OPCML: variants seen among roughly 807,000 people sequenced by gnomAD.
The protein encoded by OPCML is opioid binding protein/cell adhesion molecule like, also known as opioid-binding protein/cell adhesion molecule.
In OPCML, 13 loss-of-function variants were observed where a neutral mutation model predicts 37.8. The observed-to-expected ratio is 0.34, with a 90% CI of 0.22 to 0.55. The LOEUF (loss-of-function observed/expected upper bound fraction) is 0.55, where lower values mean the gene tolerates loss of function less well. Among genes scored for constraint, OPCML ranks in the 20% least tolerant of loss-of-function variants. The probability of loss-of-function intolerance (pLI) is 0.91; values close to 1 mark genes in which losing one functional copy is unlikely to be tolerated. For missense variants in OPCML, 341 were observed against 435.6 expected, an observed-to-expected ratio of 0.78 and a Z score of 1.93; for synonymous variants, 176 against 168.8, an observed-to-expected ratio of 1.04 and a Z score of -0.33.
chr11:132,527,849 A>AT (rs2096312744), intron 4 of OPCML, among the ~76,000 whole-genome samples: 1 of 152,196 alleles, frequency 6.6e-6, no homozygotes, highest in Non-Finnish European at 1.5e-5. Context: ...ATTATGGCTT[A>AT]TATCCTTATT....
intron 2 of OPCML, among the ~76,000 whole-genome samples, chr11:132,880,884 C>G (rs1420772788): frequency 6.6e-6 from 1 of 152,192 alleles, no homozygotes; most frequent in African/African-American, 2.4e-5. Context: ...GTGTCTCTGA[C>G]TGGAGTTTGA....
At chr11:132,570,494 G>A (rs2096434634) in intron 3 of OPCML, among the ~76,000 whole-genome samples, 1 of 151,866 alleles carries the variant, frequency 6.6e-6, no homozygotes, top group Non-Finnish European at 1.5e-5. Context: ...TAAATACCAT[G>A]AATGTAATTG....
At chr11:132,523,500 C>T (rs2096299681) in intron 4 of OPCML, among the ~76,000 whole-genome samples, 1 of 152,134 alleles carries the variant, frequency 6.6e-6, no homozygotes, top group African/African-American at 2.4e-5. Flanking sequence ...TGGATTCTTG[C>T]TCAAGACAAA....
chr11:133,052,016 A>C lies in OPCML; in HGVS notation c.62-109006T>G, dbSNP rs1948140958. On this transcript the variant is annotated intron_variant, in intron 1 of 7. Coordinates refer to ENST00000524381, the MANE Select transcript of OPCML (RefSeq NM_001012393.5). ...CAAAGCTTCTTTAGAATTTGTGGGGATTTCAATTCTGGCTAAACCACCAGG... is the reference window on the plus strand; with the variant it reads ...CAAAGCTTCTTTAGAATTTGTGGGGCTTTCAATTCTGGCTAAACCACCAGG... Among the ~76,000 whole-genome samples the C allele has an allele frequency of 2.0e-5, 3 of 152,182 alleles. No homozygotes were observed. In the South Asian group the frequency reaches 6.2e-4, roughly 32 times the overall value.
At chr11:132,672,739 C>G (rs990806107) in intron 2 of OPCML, among the ~76,000 whole-genome samples, 35 of 152,092 alleles carry the variant, frequency 2.3e-4, no homozygotes, top group Non-Finnish European at 1.5e-5. Context: ...ATTCACCCAG[C>G]CCCAACCCCT....
intron 2 of OPCML, among the ~76,000 whole-genome samples, chr11:132,790,910 G>T (rs1937864429): frequency 6.6e-6 from 1 of 152,218 alleles, no homozygotes; most frequent in Admixed American, 6.5e-5. Context: ...TTTTGGCTCT[G>T]CTGTGAGGAT....
At chr11:133,307,965 G>T (rs1365460798) in intron 1 of OPCML, among the ~76,000 whole-genome samples, 1 of 151,574 alleles carries the variant, frequency 6.6e-6, no homozygotes, top group Non-Finnish European at 1.5e-5. Context: ...AACATATATG[G>T]AGTTCTGAAT....
At chr11:132,840,686 C>A (rs1266986678) in intron 2 of OPCML, among the ~76,000 whole-genome samples, 1 of 152,152 alleles carries the variant, frequency 6.6e-6, no homozygotes, top group Non-Finnish European at 1.5e-5. Flanking sequence ...TCTTTAAATG[C>A]TCAGGAAATT....
intron 1 of OPCML, among the ~76,000 whole-genome samples, chr11:133,021,580 C>A (rs181813285): frequency 6.7e-4 from 38 of 56,702 alleles, no homozygotes; most frequent in Admixed American, 9.4e-4. Context: ...TCCTGTGCTA[C>A]GGGCAGGAGG....
chr11:133,019,788 A>T (rs1276577622), intron 1 of OPCML, among the ~76,000 whole-genome samples: 1 of 152,066 alleles, frequency 6.6e-6, no homozygotes, highest in East Asian at 1.9e-4. Context: ...TCCTTCTAGG[A>T]ATTCCTTGAC....
chr11:132,638,182 T>G (rs988929695), intron 3 of OPCML, among the ~76,000 whole-genome samples: 4 of 114,366 alleles, frequency 3.5e-5, no homozygotes, highest in African/African-American at 1.3e-4. Context: ...TATATATATA[T>G]ATATACAGAG....
intron 2 of OPCML, among the ~76,000 whole-genome samples, chr11:132,699,501 T>C (rs971062768): frequency 6.6e-6 from 1 of 152,094 alleles, no homozygotes; most frequent in African/African-American, 2.4e-5. Flanking sequence ...ATATGGACTT[T>C]ATAATATTGA....
chr11:132,582,152 AACAG>A (rs990308943), intron 3 of OPCML, among the ~76,000 whole-genome samples: 1 of 122,390 alleles, frequency 8.2e-6, no homozygotes, highest in Non-Finnish European at 1.7e-5. Flanking sequence ...GTGTGTGTGA[AACAG>A]AGAGAGAGAG....
chr11:132,820,355 A>T (rs1283044288), intron 2 of OPCML, among the ~76,000 whole-genome samples: 1 of 152,186 alleles, frequency 6.6e-6, no homozygotes, highest in African/African-American at 2.4e-5. Context: ...TTGAGGTTAG[A>T]TTTAGTGAGG....
At chr11:132,818,660 A>ATACATATATATATATATATATATATAT (rs56858242) in intron 2 of OPCML, among the ~76,000 whole-genome samples, 1 of 115,558 alleles carries the variant, frequency 8.7e-6, no homozygotes, top group African/African-American at 3.2e-5. Context: ...ATATATATAT[A>ATACATATATATATATATATATATATAT]GACAGATTAT....
At chr11:132,676,451 A>G (rs1445269370) in intron 2 of OPCML, among the ~76,000 whole-genome samples, 1 of 152,034 alleles carries the variant, frequency 6.6e-6, no homozygotes, top group Non-Finnish European at 1.5e-5. Context: ...CATAAAAATT[A>G]ACAACTTTTG....
At chr11:132,463,719 C>A (rs1168068078) in intron 4 of OPCML, among the ~76,000 whole-genome samples, 2 of 152,188 alleles carry the variant, frequency 1.3e-5, no homozygotes, top group Non-Finnish European at 2.9e-5. Flanking sequence ...GATAAATAGT[C>A]CCCAAACTTT....
intron 1 of OPCML, among the ~76,000 whole-genome samples, chr11:133,359,203 T>C (rs534297053): frequency 6.6e-6 from 1 of 152,326 alleles, no homozygotes; most frequent in East Asian, 1.9e-4. Context: ...TAAATTCCTC[T>C]GAGATCCAGG....
chr11:133,498,242 G>A (rs1947827756), intron 1 of OPCML, among the ~76,000 whole-genome samples: 4 of 152,194 alleles, frequency 2.6e-5, no homozygotes, highest in Admixed American at 2.6e-4. Context: ...ACCTCTCCTG[G>A]CTTCCCTGCG....
Sources: allele counts gnomAD v4.1 joint callset (sites outside exome capture counted in the v4.1 genomes callset), GRCh38; gene constraint gnomAD v4.1.1; transcripts MANE v1.5; gene names NCBI Gene and HGNC (gene_info 2026-07-23, HGNC 2026-07-21).